The following ANKS1B variants were observed in gnomAD, a reference collection of about 807,000 sequenced individuals.
ANKS1B encodes the protein ankyrin repeat and sterile alpha motif domain containing 1B.
ANKS1B carries 36 observed loss-of-function variants against 148.3 expected under a neutral mutation model. That is an observed-to-expected ratio of 0.24 (90% CI 0.19 to 0.32). The LOEUF (loss-of-function observed/expected upper bound fraction) is 0.32. Ranked by LOEUF, ANKS1B falls within the 10% of genes least tolerant of loss-of-function variation. ANKS1B has a pLI of 1.00. For synonymous variants in ANKS1B, 542 were observed against 560.8 expected, an observed-to-expected ratio of 0.97 and a Z score of 0.47; for missense variants, 1,157 against 1,542.6, an observed-to-expected ratio of 0.75 and a Z score of 4.19.
intron 9 of ANKS1B, among the ~76,000 whole-genome samples, chr12:99,650,733 C>T (rs1317344743): frequency 6.6e-6 from 1 of 152,008 alleles, no homozygotes; most frequent in African/African-American, 2.4e-5. Context: ...TTTTAGTATT[C>T]TTGGAGATAG....
chr12:98,780,258 C>T (rs2098721158), intron 24 of ANKS1B, among the ~76,000 whole-genome samples: 2 of 152,174 alleles, frequency 1.3e-5, no homozygotes, highest in African/African-American at 4.8e-5. Context: ...CAATGGTGAT[C>T]ACCTCTTTTA....
intron 22 of ANKS1B, among the ~76,000 whole-genome samples, chr12:98,792,399 TA>T (rs1422427970): frequency 2.0e-5 from 3 of 152,162 alleles, no homozygotes; most frequent in African/African-American, 4.8e-5. Context: ...TAATGACAAA[TA>T]GGGGTAATTA....
At chr12:99,863,704 G>T (rs2090347970) in intron 1 of ANKS1B, among the ~76,000 whole-genome samples, 1 of 150,268 alleles carries the variant, frequency 6.7e-6, no homozygotes, top group Non-Finnish European at 1.5e-5. Context: ...GACAGAGCAA[G>T]ACACCGTCTC....
intron 9 of ANKS1B, among the ~76,000 whole-genome samples, chr12:99,544,440 T>C (rs192085847): frequency 1.3e-5 from 2 of 152,252 alleles, no homozygotes; most frequent in African/African-American, 4.8e-5. Flanking sequence ...TCACTGAAAC[T>C]GCGAGATTTC....
intron 4 of ANKS1B, among the ~76,000 whole-genome samples, chr12:99,799,447 C>G (rs914006201): frequency 6.6e-6 from 1 of 152,076 alleles, no homozygotes; most frequent in African/African-American, 2.4e-5. Flanking sequence ...TCCATTATAG[C>G]ACTCACTGCA....
chr12:99,681,015 C>A (rs1290126573), intron 8 of ANKS1B, among the ~76,000 whole-genome samples: 2 of 152,120 alleles, frequency 1.3e-5, no homozygotes, highest in Non-Finnish European at 2.9e-5. Context: ...AGAGTCTGAG[C>A]TCAGACACAC....
At chr12:99,817,020 T>G (rs1016515384) in intron 2 of ANKS1B, among the ~76,000 whole-genome samples, 5 of 151,672 alleles carry the variant, frequency 3.3e-5, no homozygotes, top group Non-Finnish European at 7.4e-5. Context: ...TATCTTTTTT[T>G]TGTGTTGGGA....
chr12:99,956,647 C>T (rs2095328577), intron 1 of ANKS1B, among the ~76,000 whole-genome samples: 1 of 152,176 alleles, frequency 6.6e-6, no homozygotes, highest in African/African-American at 2.4e-5. Context: ...CCAAAAGACA[C>T]CATGTAGCCT....
chr12:99,009,501 C>G (rs2099938041), intron 17 of ANKS1B, among the ~76,000 whole-genome samples: 1 of 152,176 alleles, frequency 6.6e-6, no homozygotes, highest in African/African-American at 2.4e-5. Flanking sequence ...CCATCTGCGA[C>G]TCTCCTTTAT....
At chr12:98,870,621 C>T (rs1049210913) in intron 17 of ANKS1B, among the ~76,000 whole-genome samples, 1 of 152,220 alleles carries the variant, frequency 6.6e-6, no homozygotes, top group African/African-American at 2.4e-5. Flanking sequence ...CTCCATCCTC[C>T]CCAATTAACT....
intron 15 of ANKS1B, among the ~76,000 whole-genome samples, chr12:99,123,535 G>T (rs928970246): frequency 6.6e-6 from 1 of 152,096 alleles, no homozygotes; most frequent in African/African-American, 2.4e-5. Flanking sequence ...TCCCACAATA[G>T]GCCACCTGCA....
chr12:99,470,690 A>T (rs1326903663), intron 10 of ANKS1B, among the ~76,000 whole-genome samples: 1 of 152,176 alleles, frequency 6.6e-6, no homozygotes, highest in Non-Finnish European at 1.5e-5. Context: ...TAGCTATGAT[A>T]TGTCTATCAT....
chr12:99,602,868 CAATT>C (rs1174621306), intron 9 of ANKS1B, among the ~76,000 whole-genome samples: 1 of 152,164 alleles, frequency 6.6e-6, no homozygotes, highest in East Asian at 1.9e-4. Flanking sequence ...CCCTCAAAAA[CAATT>C]AGTTAGAATC....
chr12:99,614,863 T>C (rs2097938082), intron 9 of ANKS1B, among the ~76,000 whole-genome samples: 1 of 149,012 alleles, frequency 6.7e-6, no homozygotes, highest in African/African-American at 2.5e-5. Flanking sequence ...AAATATTCCT[T>C]TCGGTTCTCT....
intron 15 of ANKS1B, among the ~76,000 whole-genome samples, chr12:99,120,498 T>C (rs1003395067): frequency 6.6e-5 from 10 of 152,218 alleles, no homozygotes; most frequent in African/African-American, 2.2e-4. Context: ...ATTGTTTCTT[T>C]GGGCCAGAAA....
intron 9 of ANKS1B, among the ~76,000 whole-genome samples, chr12:99,611,061 A>G (rs543659926): frequency 6.6e-6 from 1 of 152,206 alleles, no homozygotes; most frequent in Admixed American, 6.5e-5. Flanking sequence ...ATATCATGAC[A>G]TCTAGTCCAC....
intron 17 of ANKS1B, among the ~76,000 whole-genome samples, chr12:98,911,250 C>T (rs1269326929): frequency 6.6e-6 from 1 of 152,142 alleles, no homozygotes; most frequent in Non-Finnish European, 1.5e-5. Context: ...TGAGAAACAG[C>T]TGTCATTGCA....
chr12:99,434,408 T>C (rs1007870668), intron 11 of ANKS1B, among the ~76,000 whole-genome samples: 4 of 152,116 alleles, frequency 2.6e-5, no homozygotes, highest in Non-Finnish European at 4.4e-5. Flanking sequence ...AATACATATA[T>C]ATCTACAAAG....
intron 1 of ANKS1B, among the ~76,000 whole-genome samples, chr12:99,936,877 T>G (rs1449646383): frequency 6.6e-6 from 1 of 152,224 alleles, no homozygotes; most frequent in Non-Finnish European, 1.5e-5. Context: ...TTTGATGTAT[T>G]CAATGATCAG....
Sources: gnomAD v4.1 joint callset for allele counts (sites outside exome capture counted in the v4.1 genomes callset) on GRCh38, gnomAD v4.1.1 for gene constraint, MANE v1.5 for transcripts, NCBI Gene and HGNC (gene_info 2026-07-23, HGNC 2026-07-21) for gene names.